The following BRCA1 variants were observed in gnomAD, a reference collection of about 807,000 sequenced individuals.
The protein encoded by BRCA1 is breast cancer type 1 susceptibility protein.
A neutral mutation model predicts 173.7 loss-of-function variants in BRCA1; 140 were observed. That is an observed-to-expected ratio of 0.81 (90% CI 0.70 to 0.93). The LOEUF is 0.93. Ranked by LOEUF, BRCA1 falls within the 40% of genes least tolerant of loss-of-function variation. The probability of loss-of-function intolerance (pLI) is 0.00; values close to 1 mark genes in which losing one functional copy is unlikely to be tolerated. For missense variants in BRCA1, 1,983 were observed against 2,172.5 expected, an observed-to-expected ratio of 0.91 and a Z score of 1.73; for synonymous variants, 662 against 756.0, an observed-to-expected ratio of 0.88 and a Z score of 2.04.
At chr17:43,158,422 T>C (rs2154581681) in intron 1 of BRCA1, among the ~76,000 whole-genome samples, 1 of 152,350 alleles carries the variant, frequency 6.6e-6, no homozygotes, top group South Asian at 2.1e-4. Context: ...GAGAGGATGG[T>C]TATTTATAAA....
rs781716310 is a variant in BRCA1 at position 43,048,518 on chromosome 17, C to CT, written c.5406+602dup. ...CCGCACCTAGCTTTTCTCTCTCTCT[C>CT]TTTTTTTTTTTTTTTAGACAAAGTC... On this transcript the variant is annotated intron_variant, in intron 21 of 22. Coordinates refer to ENST00000357654, the MANE Select transcript of BRCA1 (RefSeq NM_007294.4). 0.025 allele frequency among the ~76,000 whole-genome samples: 3,462 copies of CT among 140,266 alleles called. 298 individuals are homozygous for CT. The East Asian group carries it at 0.27, about 11-fold the overall frequency. The allele number at this position is 140,266 out of a possible 152,430, so 92.0% of individuals were successfully genotyped here.
intron 12 of BRCA1, among the ~76,000 whole-genome samples, chr17:43,077,742 TA>T (rs1182736227): frequency 6.3e-5 from 7 of 111,200 alleles, no homozygotes; most frequent in Non-Finnish European, 1.1e-4. Context: ...TTTATTTATT[TA>T]TTTTTTTTGA....
chr17:43,050,038 TAA>T, intron 20 of BRCA1: 1 of 398,578 alleles, frequency 2.5e-6, no homozygotes, highest in Non-Finnish European at 4.4e-6. Flanking sequence ...TGATAACTAA[TAA>T]AGAGGATGGA....
In BRCA1 at chr17:43,045,734, G is replaced by T. The variant is rs80356873; in HGVS notation, c.5536C>A (p.Gln1846Lys). Residue 1846 changes from glutamine (Q) to lysine (K), a missense_variant, in exon 23 of 23, where the codon CAG becomes AAG. Coordinates refer to ENST00000357654, the MANE Select transcript of BRCA1 (RefSeq NM_007294.4). ...AGGTAGGTGTCCAGCTCCTGGCACT[G>T]GTAGAGTGCTACACTGTCCAACACC... The part of the protein sequence containing the change: ...EWVLDSVALY[Q>K]CQELDTYLIP... The T allele has an allele frequency of 1.2e-6, 2 of 1,613,828 alleles. No individual in the cohort carries two copies. Among genetic ancestry groups the T allele is most frequent in the Non-Finnish European group, 1.7e-6 (2 of 1,179,994 alleles).
chr17:43,091,098 T>C (rs1188952120), intron 10 of BRCA1, 66 bp from the exon 11 acceptor site: 14 of 1,410,154 alleles, frequency 9.9e-6, no homozygotes, highest in Non-Finnish European at 1.4e-5. Flanking sequence ...TTGCTGTGTC[T>C]TTTTCTTCTC....
rs1465630651 is a variant in BRCA1 at position 43,092,708 on chromosome 17, A to C, written c.2823T>G (p.Asn941Lys). 1 of 1,614,150 alleles carries C rather than the reference A, an allele frequency of 6.2e-7. No homozygotes were observed. Among genetic ancestry groups the C allele is most frequent in the South Asian group, 1.1e-5 (1 of 91,084 alleles). The change falls in exon 10 of 23, where the codon AAT becomes AAG. Residue 941 changes from asparagine to lysine, a missense_variant. Asn to Lys is a moderately conservative substitution (Grantham distance 94). Coordinates refer to ENST00000357654, the MANE Select transcript of BRCA1 (RefSeq NM_007294.4). ...VVGQKDKPVD[N>K]AKCSIKGGSR... The stretch of plus-strand genomic sequence containing the variant: ...AGCCTCCTTTGATACTACATTTGGC[A>C]TTATCAACTGGCTTATCTTTCTGAC...
chr17:43,103,466 CA>C (rs900598227), intron 6 of BRCA1, among the ~76,000 whole-genome samples: 2,415 of 64,646 alleles, frequency 0.037, 43 homozygotes, highest in African/African-American at 0.099. Context: ...GACTCTGTCT[CA>C]AAAAAAAAAA....
At chr17:43,064,108 C>A (rs1202845850) in intron 16 of BRCA1, among the ~76,000 whole-genome samples, 157 bp from the exon 17 acceptor site, 1 of 152,132 alleles carries the variant, frequency 6.6e-6, no homozygotes, top group Non-Finnish European at 1.5e-5. Context: ...GCTGAAAACA[C>A]CACTAATTAT....
At chr17:43,050,229 G>C (rs1181236091) in intron 20 of BRCA1, 2 of 397,198 alleles carry the variant, frequency 5.0e-6, no homozygotes, top group Non-Finnish European at 8.9e-6. Flanking sequence ...ACACACCAAG[G>C]CCTTTGTGCT....
At chr17:43,058,932 G>T (rs1183179350) in intron 18 of BRCA1, among the ~76,000 whole-genome samples, 1 of 152,154 alleles carries the variant, frequency 6.6e-6, no homozygotes, top group Non-Finnish European at 1.5e-5. Context: ...CAGATTGTAG[G>T]GAAGGCCTTA....
At chr17:43,101,901 C>G (rs1056095509) in intron 6 of BRCA1, among the ~76,000 whole-genome samples, 2 of 152,030 alleles carry the variant, frequency 1.3e-5, no homozygotes, top group Non-Finnish European at 2.9e-5. Flanking sequence ...CTTTTAAGTT[C>G]AAGTAATTTT....
intron 2 of BRCA1, among the ~76,000 whole-genome samples, chr17:43,120,689 C>T (rs2055509463): frequency 6.6e-6 from 1 of 152,194 alleles, no homozygotes; most frequent in African/African-American, 2.4e-5. Flanking sequence ...GGCGTGAACC[C>T]GGGAGGCGGA....
chr17:43,121,380 A>C (rs942782962), intron 2 of BRCA1, among the ~76,000 whole-genome samples: 2 of 151,378 alleles, frequency 1.3e-5, no homozygotes, highest in Non-Finnish European at 2.9e-5. Flanking sequence ...GTCTCAAAAA[A>C]ACAAAACAAA....
rs747287311 is a variant in BRCA1 at position 43,092,826 on chromosome 17, T to C, written c.2705A>G (p.Glu902Gly). 2 of 1,614,056 alleles carry C rather than the reference T, an allele frequency of 1.2e-6. No homozygotes were observed. Among genetic ancestry groups the C allele is most frequent in the Non-Finnish European group, 1.7e-6 (2 of 1,179,958 alleles). Residue 902 changes from glutamate to glycine, a missense_variant, in exon 10 of 23, where the codon GAA becomes GGA. Glu to Gly is a moderately conservative substitution (Grantham distance 98). Transcript: ENST00000357654. ...LKKQSPKVTFECEQKEENQGK... is the reference protein window; with the variant it reads ...LKKQSPKVTFGCEQKEENQGK... The stretch of plus-strand genomic sequence containing the variant: ...TTGATTTTCTTCCTTTTGTTCACAT[T>C]CAAAAGTGACTTTTGGACTTTGTTT...
intron 1 of BRCA1, chr17:43,144,242 AT>A: frequency 6.0e-6 from 2 of 335,944 alleles, no homozygotes; most frequent in South Asian, 2.2e-5. Flanking sequence ...AATAAAGTGA[AT>A]TTTCCTCCAT....
chr17:43,058,435 G>A (rs2051608523), intron 18 of BRCA1, among the ~76,000 whole-genome samples: 1 of 152,090 alleles, frequency 6.6e-6, no homozygotes, highest in African/African-American at 2.4e-5. Context: ...AAGAATTGCT[G>A]GGCAGAGATT....
At chr17:43,057,235 C>T (rs1467839763) in intron 18 of BRCA1, 100 bp from the exon 19 acceptor site, 50 of 1,128,992 alleles carry the variant, frequency 4.4e-5, no homozygotes, top group African/African-American at 9.2e-5. Context: ...TCAGGCCAGG[C>T]GCAGTGGCTC....
chr17:43,074,036 C>T (rs55893499), intron 14 of BRCA1, among the ~76,000 whole-genome samples: 5 of 152,116 alleles, frequency 3.3e-5, no homozygotes, highest in Non-Finnish European at 7.4e-5. Flanking sequence ...GGATTACAGG[C>T]GTGAGCCACT....
In BRCA1 at chr17:43,057,046, C is replaced by T. The variant is rs1057523590; in HGVS notation, c.5277+6G>A. 1 of 1,613,896 alleles carries T rather than the reference C, an allele frequency of 6.2e-7. No homozygotes were observed. Among genetic ancestry groups the T allele is most frequent in the Admixed American group, 1.7e-5 (1 of 59,986 alleles). On this transcript the variant is annotated splice_donor_region_variant and intron_variant, in intron 19 of 22. Coordinates refer to ENST00000357654, the MANE Select transcript of BRCA1 (RefSeq NM_007294.4). ...ATTTTTGTCAACTTGAGGGAGGGAG[C>T]TTTACCTTTCTGTCCTGGGATTCTC...
Sources: allele counts gnomAD v4.1 joint callset (sites outside exome capture counted in the v4.1 genomes callset), GRCh38; gene constraint gnomAD v4.1.1; transcripts MANE v1.5; gene names NCBI Gene and HGNC (gene_info 2026-07-23, HGNC 2026-07-21).